ATRN: variants seen among roughly 807,000 people sequenced by gnomAD.
ATRN encodes attractin-2.
ATRN carries 54 observed loss-of-function variants against 178.7 expected under a neutral mutation model. The observed-to-expected ratio is 0.30, with a 90% CI of 0.24 to 0.38. The LOEUF (loss-of-function observed/expected upper bound fraction) is 0.38. Ranked by LOEUF, ATRN falls within the 10% of genes least tolerant of loss-of-function variation. The pLI is 1.00. For synonymous variants in ATRN, 636 were observed against 663.0 expected (o/e 0.96, Z 0.63); for missense variants, 1,443 against 1,815.1 (o/e 0.79, Z 3.73).
At chr20:3,588,332 T>C (rs2086387384) in intron 18 of ATRN, among the ~76,000 whole-genome samples, 1 of 152,232 alleles carries the variant, frequency 6.6e-6, no homozygotes, top group African/African-American at 2.4e-5. Context: ...TTTTTATACA[T>C]GCCCTTTATT....
intron 1 of ATRN, among the ~76,000 whole-genome samples, chr20:3,513,719 C>G (rs1354952788): frequency 6.6e-6 from 1 of 152,158 alleles, no homozygotes; most frequent in Non-Finnish European, 1.5e-5. Context: ...ATTCTTCTAT[C>G]CATGAGCATG....
intron 3 of ATRN, 27 bp from the exon 4 acceptor site, chr20:3,545,735 T>C (rs1474707687): frequency 1.9e-6 from 3 of 1,611,982 alleles, no homozygotes; most frequent in Non-Finnish European, 2.5e-6. Flanking sequence ...TGTGCTTCCC[T>C]CTATAAGAAG....
intron 1 of ATRN, among the ~76,000 whole-genome samples, chr20:3,498,563 C>T (rs2146102891): frequency 6.6e-6 from 1 of 152,128 alleles, no homozygotes; most frequent in Non-Finnish European, 1.5e-5. Context: ...AGCATATAAA[C>T]AGAACCAAAG....
chr20:3,526,834 A>G (rs1187751762), intron 1 of ATRN, among the ~76,000 whole-genome samples: 11 of 152,226 alleles, frequency 7.2e-5, no homozygotes. Flanking sequence ...TGGGGAAAGG[A>G]TTCCCTATTT....
intron 12 of ATRN, among the ~76,000 whole-genome samples, chr20:3,574,961 C>T (rs1471045941): frequency 4.6e-5 from 2 of 43,354 alleles, no homozygotes; most frequent in African/African-American, 3.2e-4. Context: ...TGCAGCTTCT[C>T]TCTTTTTTTT....
intron 26 of ATRN, among the ~76,000 whole-genome samples, chr20:3,634,711 G>A (rs563444146): frequency 6.6e-6 from 1 of 152,306 alleles, no homozygotes; most frequent in East Asian, 1.9e-4. Context: ...ATCCAAGGGC[G>A]TATTAGCACA....
In ATRN at chr20:3,591,259, G is replaced by C; in HGVS notation, c.3275G>C (p.Cys1092Ser). ...ACCACAGGCAAGCACTGCGAGACCT[G>C]CATATCTGGCTTCTACGGTGATCCC... Reference protein sequence around the residue: ...NLTTGKHCETCISGFYGDPTN... With the variant: ...NLTTGKHCETSISGFYGDPTN... The change falls in exon 19 of 29, where the codon TGC becomes TCC. Residue 1092 changes from cysteine (C) to serine (S), a missense_variant. Physicochemically the swap from Cys to Ser is moderately radical, Grantham distance 112. This residue lies in a region of ATRN where 289 missense variants were observed against 440.8 expected (regional missense o/e 0.66). Transcript: ENST00000262919. The C allele has an allele frequency of 6.2e-7, 1 of 1,614,174 alleles. No homozygotes were observed. The highest frequency in any genetic ancestry group is 8.5e-7 in the Non-Finnish European group (1 of 1,180,014).
chr20:3,603,014 C>T (rs2146288990), intron 23 of ATRN, among the ~76,000 whole-genome samples: 1 of 136,484 alleles, frequency 7.3e-6, no homozygotes, highest in East Asian at 2.2e-4. Context: ...ATGAGTGTCT[C>T]AATGAAGACG....
intron 3 of ATRN, among the ~76,000 whole-genome samples, chr20:3,541,386 T>G (rs1007308814): frequency 6.7e-6 from 1 of 149,980 alleles, no homozygotes; most frequent in African/African-American, 2.4e-5. Context: ...CTAGAGGATT[T>G]TAAGATACAG....
chr20:3,623,695 G>A (rs923818609), intron 24 of ATRN, among the ~76,000 whole-genome samples: 4 of 152,114 alleles, frequency 2.6e-5, no homozygotes, highest in African/African-American at 7.2e-5. Flanking sequence ...AGCAGGCAGC[G>A]CACCACAACA....
chr20:3,532,300 TAC>T (rs943752439), intron 1 of ATRN, among the ~76,000 whole-genome samples: 2 of 152,192 alleles, frequency 1.3e-5, no homozygotes, highest in Non-Finnish European at 2.9e-5. Flanking sequence ...AGGAAGTGTG[TAC>T]ACACACACGG....
At chr20:3,532,834 C>T (rs1423597544) in intron 1 of ATRN, among the ~76,000 whole-genome samples, 1 of 151,970 alleles carries the variant, frequency 6.6e-6, no homozygotes, top group Non-Finnish European at 1.5e-5. Context: ...GCGATCTTGG[C>T]TCACTGCAAG....
At chr20:3,475,031 CAAAAAAA>C (rs1189030441) in intron 1 of ATRN, among the ~76,000 whole-genome samples, 1 of 55,828 alleles carries the variant, frequency 1.8e-5, no homozygotes, top group East Asian at 5.6e-4. Context: ...GACTCCATCT[CAAAAAAA>C]AAAAAAAAAA....
At chr20:3,472,246 T>C (rs1207051411) in intron 1 of ATRN, among the ~76,000 whole-genome samples, 1 of 152,204 alleles carries the variant, frequency 6.6e-6, no homozygotes, top group African/African-American at 2.4e-5. Context: ...TTAGCAGTTA[T>C]CGTTATTTGC....
chr20:3,485,421 T>C (rs2146077300), intron 1 of ATRN, among the ~76,000 whole-genome samples: 1 of 152,266 alleles, frequency 6.6e-6, no homozygotes, highest in Non-Finnish European at 1.5e-5. Flanking sequence ...ATGGAATAGT[T>C]CCCTGCACAT....
At chr20:3,533,010 C>T (rs2085475820) in intron 1 of ATRN, among the ~76,000 whole-genome samples, 1 of 152,224 alleles carries the variant, frequency 6.6e-6, no homozygotes, top group South Asian at 2.1e-4. Flanking sequence ...GATCCACCCG[C>T]CTTGGCCTCC....
At chr20:3,517,010 G>A (rs145194579) in intron 1 of ATRN, among the ~76,000 whole-genome samples, 1,823 of 152,162 alleles carry the variant, frequency 0.012, 14 homozygotes, top group Middle Eastern at 0.017. Flanking sequence ...CCAGTAATGG[G>A]ATTGTTGGGT....
chr20:3,560,310 A>G (rs1308861334), intron 7 of ATRN, among the ~76,000 whole-genome samples: 9 of 152,208 alleles, frequency 5.9e-5, no homozygotes, highest in Non-Finnish European at 1.3e-4. Context: ...ATGTTGCTAC[A>G]AAATGACTGG....
At chr20:3,495,647 G>C (rs2084867784) in intron 1 of ATRN, among the ~76,000 whole-genome samples, 1 of 152,028 alleles carries the variant, frequency 6.6e-6, no homozygotes, top group Admixed American at 6.6e-5. Context: ...GTCTGGGCTT[G>C]TATCATTAGA....
Sources: gnomAD v4.1 joint callset for allele counts (sites outside exome capture counted in the v4.1 genomes callset) on GRCh38, gnomAD v4.1.1 for gene constraint, gnomAD v4.1.1 regional missense constraint, MANE v1.5 for transcripts, NCBI Gene and HGNC (gene_info 2026-07-23, HGNC 2026-07-21) for gene names.